Variants in ETFA observed in about 807,000 individuals in gnomAD.
ETFA encodes the protein electron transfer flavoprotein subunit alpha, also known as electron transfer flavoprotein subunit alpha, mitochondrial.
A neutral mutation model predicts 46.2 loss-of-function variants in ETFA; 22 were observed. That is an observed-to-expected ratio of 0.48 (90% confidence interval 0.34 to 0.68). The LOEUF (loss-of-function observed/expected upper bound fraction) is 0.68. ETFA is among the 30% of genes least tolerant of loss of function. The pLI is 0.01. For missense variants in ETFA, 345 were observed against 401.1 expected, an observed-to-expected ratio of 0.86 and a Z score of 1.19; for synonymous variants, 131 against 139.9, an observed-to-expected ratio of 0.94 and a Z score of 0.45.
At chr15:76,260,429 G>A (rs1376798780) in intron 9 of ETFA, 4 of 1,586,292 alleles carry the variant, frequency 2.5e-6, no homozygotes, top group African/African-American at 1.4e-5. Flanking sequence ...CCCAGGATGT[G>A]CGGCTGTGAG....
chr15:76,308,708 T>C (rs2469573), intron 1 of ETFA, among the ~76,000 whole-genome samples: 23,129 of 152,214 alleles, frequency 0.15, 2,267 homozygotes, highest in African/African-American at 0.28. Flanking sequence ...AAAATTGCTA[T>C]AAACTGTACT....
chr15:76,265,388 G>C (rs1006979890), intron 9 of ETFA, among the ~76,000 whole-genome samples: 1 of 152,214 alleles, frequency 6.6e-6, no homozygotes, highest in Non-Finnish European at 1.5e-5. Flanking sequence ...ACAGTGAAGA[G>C]AACAGGAGGC....
intron 9 of ETFA, among the ~76,000 whole-genome samples, chr15:76,253,615 A>G (rs1056724260): frequency 6.6e-6 from 1 of 152,218 alleles, no homozygotes; most frequent in African/African-American, 2.4e-5. Context: ...AAATAAGAAT[A>G]AATGAAAATA....
At chr15:76,283,921 A>C in intron 7 of ETFA, 96 bp from the exon 8 acceptor site, 1 of 814,804 alleles carries the variant, frequency 1.2e-6, no homozygotes, top group South Asian at 1.5e-5. Flanking sequence ...TTTTCATATT[A>C]TGTAACTGCC....
intron 1 of ETFA, among the ~76,000 whole-genome samples, chr15:76,303,061 T>C (rs1388602284): frequency 1.3e-5 from 2 of 152,050 alleles, no homozygotes; most frequent in African/African-American, 4.8e-5. Flanking sequence ...TCCCAGCACT[T>C]TGAGAGGCCG....
At chr15:76,221,197 C>T (rs919566101) in intron 11 of ETFA, among the ~76,000 whole-genome samples, 25 of 152,160 alleles carry the variant, frequency 1.6e-4, no homozygotes, top group African/African-American at 4.8e-4. Flanking sequence ...ACTTTGAAAA[C>T]CTTATGCTAA....
chr15:76,249,022 T>C (rs986467251), intron 9 of ETFA, among the ~76,000 whole-genome samples: 6 of 151,958 alleles, frequency 3.9e-5, no homozygotes, highest in Non-Finnish European at 8.8e-5. Flanking sequence ...TCACTAGTAA[T>C]CACAGAAAAG....
chr15:76,295,297 A>G (rs960805911), intron 2 of ETFA, among the ~76,000 whole-genome samples: 6 of 152,246 alleles, frequency 3.9e-5, no homozygotes, highest in Non-Finnish European at 8.8e-5. Context: ...AAAAGAGATC[A>G]GCTATTAACC....
chr15:76,299,203 T>C (rs2039856970), intron 1 of ETFA, among the ~76,000 whole-genome samples: 3 of 152,204 alleles, frequency 2.0e-5, no homozygotes, highest in Admixed American at 2.0e-4. Context: ...CTCTCAAAAC[T>C]GTCTAGCAAT....
At chr15:76,258,910 G>T in intron 9 of ETFA, 1 of 1,006,548 alleles carries the variant, frequency 9.9e-7, no homozygotes, top group Non-Finnish European at 1.5e-6. Context: ...CTGGGCTGAG[G>T]TCAGACAGGG....
chr15:76,273,989 C>G (rs189611523), intron 9 of ETFA: 1 of 199,288 alleles, frequency 5.0e-6, no homozygotes, highest in East Asian at 1.2e-4. Flanking sequence ...AGATATAAGA[C>G]TAAAACTGTC....
At chr15:76,265,470 T>C (rs1024896743) in intron 9 of ETFA, among the ~76,000 whole-genome samples, 1 of 152,226 alleles carries the variant, frequency 6.6e-6, no homozygotes, top group Non-Finnish European at 1.5e-5. Context: ...GACCTATTTG[T>C]ATAGTAACTA....
intron 9 of ETFA, among the ~76,000 whole-genome samples, chr15:76,245,488 A>G (rs1477776929): frequency 6.6e-6 from 1 of 152,248 alleles, no homozygotes; most frequent in African/African-American, 2.4e-5. Flanking sequence ...AAGTAAGTCT[A>G]TAAAGTTTGT....
chr15:76,281,892 G>A (rs963080427), intron 8 of ETFA, among the ~76,000 whole-genome samples: 3 of 117,144 alleles, frequency 2.6e-5, no homozygotes, highest in Non-Finnish European at 3.5e-5. Flanking sequence ...GCCATTACAC[G>A]TATCCTTTTT....
At chr15:76,303,779 T>G (rs1168177310) in intron 1 of ETFA, among the ~76,000 whole-genome samples, 1 of 152,192 alleles carries the variant, frequency 6.6e-6, no homozygotes, top group African/African-American at 2.4e-5. Context: ...TGGCTATTAT[T>G]TAAAACTCAA....
At chr15:76,261,491 T>C (rs2039412672) in intron 9 of ETFA, 2 of 786,130 alleles carry the variant, frequency 2.5e-6, no homozygotes, top group African/African-American at 3.4e-5. Context: ...GGCTCCTCCA[T>C]CCCCTCCATG....
intron 10 of ETFA, among the ~76,000 whole-genome samples, chr15:76,226,880 AAAAT>A (rs755675721): frequency 6.6e-6 from 1 of 152,242 alleles, no homozygotes. Context: ...CTCCGTCTCA[AAAAT>A]AAATAAATAA....
chr15:76,302,779 G>T (rs575512969), intron 1 of ETFA, among the ~76,000 whole-genome samples: 2 of 152,190 alleles, frequency 1.3e-5, no homozygotes, highest in African/African-American at 4.8e-5. Context: ...GGACCAGGAA[G>T]ACTCTCTGTA....
chr15:76,306,857 T>C (rs560960556), intron 1 of ETFA, among the ~76,000 whole-genome samples: 2 of 152,338 alleles, frequency 1.3e-5, no homozygotes, highest in African/African-American at 4.8e-5. Flanking sequence ...AGTAGACACA[T>C]TGGCAGGCAT....
Sources: allele counts gnomAD v4.1 joint callset (sites outside exome capture counted in the v4.1 genomes callset), GRCh38; gene constraint gnomAD v4.1.1; transcripts MANE v1.5; gene names NCBI Gene and HGNC (gene_info 2026-07-23, HGNC 2026-07-21).